ELOVL6: variants seen among roughly 807,000 people sequenced by gnomAD.
ELOVL6 encodes very long chain fatty acid elongase 6.
In ELOVL6, 8 loss-of-function variants were observed where a neutral mutation model predicts 31.7. That is an observed-to-expected ratio of 0.25 (90% CI 0.15 to 0.45). The LOEUF (loss-of-function observed/expected upper bound fraction) is 0.45. Among genes scored for constraint, ELOVL6 ranks in the 20% least tolerant of loss-of-function variants. The pLI is 1.00. For missense variants in ELOVL6, 126 were observed against 326.4 expected (o/e 0.39, Z 4.73); for synonymous variants, 101 against 117.7 (o/e 0.86, Z 0.92).
intron 2 of ELOVL6, among the ~76,000 whole-genome samples, chr4:110,084,563 GATATATATATAT>G (rs1553956219): frequency 2.2e-5 from 1 of 44,556 alleles, no homozygotes; most frequent in Non-Finnish European, 3.4e-5. Context: ...CACACACACA[GATATATATATAT>G]ATATATATAT....
rs372326007 is a variant in ELOVL6, at chr4:110,155,055, C to T, written c.89+43192G>A. Among the ~76,000 whole-genome samples the T allele has an allele frequency of 2.6e-5, 4 of 152,222 alleles. No individual in the cohort carries two copies. The South Asian group carries it at 8.3e-4, about 32-fold the overall frequency. On this transcript the variant is annotated intron_variant, in intron 1 of 3. Coordinates refer to ENST00000302274, the MANE Select transcript of ELOVL6 (RefSeq NM_024090.3). ...GCTTGCTACAATATATTGTACTATA[C>T]AATCTACATAGCATATACTGCTATT...
chr4:110,105,650 C>CT, intron 1 of ELOVL6, 22 bp from the exon 2 acceptor site: 9 of 1,603,264 alleles, frequency 5.6e-6, no homozygotes, highest in South Asian at 2.2e-5. Context: ...CAAACAAAAT[C>CT]TTTAAGATAT....
At position 110,180,948 on chromosome 4, in the gene ELOVL6, G is replaced by A. The variant is rs183235743; in HGVS notation, c.89+17299C>T. On this transcript the variant is annotated intron_variant, in intron 1 of 3. Transcript: ENST00000302274. The stretch of plus-strand genomic sequence containing the variant: ...GACCCGGAATTCAAGACCAGCCCAG[G>A]CCCCATAGCAAGACTCAGTCTCTAC... Among the ~76,000 whole-genome samples the A allele has an allele frequency of 2.2e-4, 33 of 152,130 alleles. 1 individual carries two copies. The South Asian group carries it at 5.2e-3, about 24-fold the overall frequency.
Position 110,053,215 on chromosome 4 carries a change from C to T in ELOVL6, c.374-1453G>A, listed in dbSNP as rs971734730. On this transcript the variant is annotated intron_variant, in intron 3 of 3. Transcript: ENST00000302274. ...TAGGCGTGAGCCACCGCCCTGAGAACCCGGCCCTGGTTCTTCTTCTTCTTC... is the reference window on the plus strand; with the variant it reads ...TAGGCGTGAGCCACCGCCCTGAGAATCCGGCCCTGGTTCTTCTTCTTCTTC... Among the ~76,000 whole-genome samples, 3 of 152,172 alleles carry T rather than the reference C, an allele frequency of 2.0e-5. 1 individual carries two copies. Among genetic ancestry groups the T allele is most frequent in the African/African-American group, 7.2e-5 (3 of 41,458 alleles).
chr4:110,097,337 C>G (rs937382005), intron 2 of ELOVL6, among the ~76,000 whole-genome samples: 2 of 147,034 alleles, frequency 1.4e-5, no homozygotes, highest in African/African-American at 5.0e-5. Context: ...AAGAAATCCT[C>G]TACCCCACTA....
In ELOVL6 at chr4:110,082,897, A is replaced by G. The variant is rs868441238; in HGVS notation, c.221+22600T>C. 4.2e-4 allele frequency among the ~76,000 whole-genome samples: 64 copies of G among 152,104 alleles called. 3 individuals are homozygous for G. Among genetic ancestry groups the G allele is most frequent in the African/African-American group, 1.5e-3 (62 of 41,366 alleles). On this transcript the variant is annotated intron_variant, in intron 2 of 3. Transcript: ENST00000302274. ...CAACAATTATCCACAAACGCTTTTA[A>G]CAGCTCCATAGAAATCTCAAATTAA...
At chr4:110,126,690 G>C (rs559648005) in intron 1 of ELOVL6, among the ~76,000 whole-genome samples, 1 of 152,300 alleles carries the variant, frequency 6.6e-6, no homozygotes, top group African/African-American at 2.4e-5. Flanking sequence ...GAACCTATGA[G>C]ATGCTTGCAA....
intron 1 of ELOVL6, among the ~76,000 whole-genome samples, chr4:110,116,296 T>C (rs1412056445): frequency 6.6e-6 from 1 of 152,232 alleles, no homozygotes; most frequent in African/African-American, 2.4e-5. Context: ...AAGCCATTCT[T>C]CTACTAAAAC....
At chr4:110,087,354 T>G (rs1416295437) in intron 2 of ELOVL6, among the ~76,000 whole-genome samples, 1 of 152,230 alleles carries the variant, frequency 6.6e-6, no homozygotes, top group Non-Finnish European at 1.5e-5. Flanking sequence ...CTACTTTGCA[T>G]TCGATTAGTC....
chr4:110,080,512 G>A (rs2126231319), intron 2 of ELOVL6, among the ~76,000 whole-genome samples: 1 of 152,280 alleles, frequency 6.6e-6, no homozygotes, highest in Admixed American at 6.5e-5. Flanking sequence ...CTCAATAGAT[G>A]CAGAAAAGGC....
intron 2 of ELOVL6, among the ~76,000 whole-genome samples, chr4:110,070,094 G>A (rs960994765): frequency 1.3e-5 from 2 of 152,152 alleles, no homozygotes; most frequent in Non-Finnish European, 2.9e-5. Flanking sequence ...AATTACTGGT[G>A]GGTATGCTTT....
rs369872901 is a variant in ELOVL6, at chr4:110,084,126, TATGTGATA to T, written c.221+21363_221+21370del. On this transcript the variant is annotated intron_variant, in intron 2 of 3. Transcript: ENST00000302274. ...TGATATATATGATATATATAACATA[TATGTGATA>T]ATGATATATATGATATATATAACAT... Among the ~76,000 whole-genome samples the T allele has an allele frequency of 3.7e-3, 232 of 62,856 alleles. 6 individuals are homozygous for T. The highest frequency in any genetic ancestry group is 0.02 in the Middle Eastern group (1 of 50). The allele number at this position is 62,856 out of a possible 152,430, so 41.2% of individuals were successfully genotyped here. A position where few individuals can be genotyped will look rare whatever the true frequency, so the allele number is the denominator to read the frequency against.
intron 1 of ELOVL6, among the ~76,000 whole-genome samples, chr4:110,189,896 G>A (rs1272190310): frequency 2.6e-5 from 4 of 151,630 alleles, no homozygotes; most frequent in Admixed American, 6.6e-5. Context: ...GAACCCGGGA[G>A]GCAGAGCTTG....
chr4:110,191,551 G>C (rs1253995496), intron 1 of ELOVL6, among the ~76,000 whole-genome samples: 1 of 152,166 alleles, frequency 6.6e-6, no homozygotes, highest in Non-Finnish European at 1.5e-5. Flanking sequence ...GAAAAATTAA[G>C]TTAATCATTA....
intron 1 of ELOVL6, among the ~76,000 whole-genome samples, chr4:110,141,785 G>GTA (rs1362312970): frequency 2.2e-5 from 3 of 133,766 alleles, no homozygotes; most frequent in Non-Finnish European, 3.2e-5. Flanking sequence ...CAGTATATAT[G>GTA]TATATATACT....
Position 110,198,383 on chromosome 4 carries a change from T to C in ELOVL6, c.-48A>G. ...TACGTGTTCTCTATACAAAATAAAATAATCTGTAAAGCGCTTGATTTCGAG... is the reference window on the plus strand; with the variant it reads ...TACGTGTTCTCTATACAAAATAAAACAATCTGTAAAGCGCTTGATTTCGAG... On this transcript the variant is annotated 5_prime_UTR_variant, in exon 1 of 4. Transcript: ENST00000302274. 1 of 1,179,212 alleles carries C rather than the reference T, an allele frequency of 8.5e-7. No homozygotes were observed. The highest frequency in any genetic ancestry group is 1.3e-6 in the Non-Finnish European group (1 of 799,506). 73.0% of individuals were successfully genotyped at this position (1,179,212 alleles called of 1,614,324 possible).
At chr4:110,133,586 G>A in intron 1 of ELOVL6, among the ~76,000 whole-genome samples, 1 of 151,992 alleles carries the variant, frequency 6.6e-6, no homozygotes, top group East Asian at 1.9e-4. Context: ...GAGAGGACAG[G>A]GAAAAAGGGA....
chr4:110,086,208 C>T (rs774684713), intron 2 of ELOVL6, among the ~76,000 whole-genome samples: 10 of 152,142 alleles, frequency 6.6e-5, no homozygotes, highest in Non-Finnish European at 1.5e-4. Flanking sequence ...ATGTAAGCAG[C>T]ATGGCATTTT....
In ELOVL6 at chr4:110,198,325, G is replaced by A. The variant is rs1275724815; in HGVS notation, c.11C>T (p.Ser4Leu). 1 of 1,604,788 alleles carries A rather than the reference G, an allele frequency of 6.2e-7. No individual in the cohort carries two copies. The highest frequency in any genetic ancestry group is 1.1e-5 in the South Asian group (1 of 90,856). MNM[S>L]VLTLQEYEFE... is the part of the protein sequence containing the mutation. ...TTCATATTCTTGTAAAGTCAACACT[G>A]ACATGTTCATTGGGGCTGATCTTCG... Residue 4 changes from serine (S) to leucine (L), a missense_variant, in exon 1 of 4, where the codon TCA (serine) becomes TTA (leucine). Ser to Leu is a moderately radical substitution (Grantham distance 145, BLOSUM62 -2). Coordinates refer to ENST00000302274, the MANE Select transcript of ELOVL6 (RefSeq NM_024090.3).
Sources: allele counts gnomAD v4.1 joint callset (sites outside exome capture counted in the v4.1 genomes callset), GRCh38; gene constraint gnomAD v4.1.1; transcripts MANE v1.5; gene names NCBI Gene and HGNC (gene_info 2026-07-23, HGNC 2026-07-21).